Variants in INSYN2B observed in about 807,000 individuals in gnomAD.
INSYN2B encodes inhibitory synaptic factor family member 2B, also known as protein INSYN2B.
A neutral mutation model predicts 41.2 loss-of-function variants in INSYN2B; 16 were observed. That is an observed-to-expected ratio of 0.39 (90% confidence interval 0.26 to 0.59). The LOEUF (loss-of-function observed/expected upper bound fraction) is 0.59, where lower values mean the gene tolerates loss of function less well. Ranked by LOEUF, INSYN2B falls within the 20% of genes least tolerant of loss-of-function variation. The pLI is 0.57. For missense variants in INSYN2B, 608 were observed against 646.4 expected (o/e 0.94, Z 0.64); for synonymous variants, 245 against 244.4 (o/e 1.00, Z -0.02).
intron 1 of INSYN2B, among the ~76,000 whole-genome samples, chr5:169,900,841 G>T (rs1266587326): frequency 6.6e-6 from 1 of 152,088 alleles, no homozygotes. Flanking sequence ...GATATAGCCT[G>T]CCTGGAATTG....
intron 3 of INSYN2B, among the ~76,000 whole-genome samples, chr5:169,873,931 C>G (rs1481335979): frequency 6.6e-6 from 1 of 152,122 alleles, no homozygotes; most frequent in African/African-American, 2.4e-5. Context: ...GAGGCTTTGG[C>G]CTGCATTCCA....
intron 3 of INSYN2B, among the ~76,000 whole-genome samples, chr5:169,874,881 C>A (rs1282817376): frequency 7.0e-6 from 1 of 142,040 alleles, no homozygotes; most frequent in Non-Finnish European, 1.5e-5. Flanking sequence ...TTTCTCTTCT[C>A]ATTGGAAACA....
chr5:169,873,426 A>C (rs1453269455), intron 3 of INSYN2B, among the ~76,000 whole-genome samples: 1 of 152,242 alleles, frequency 6.6e-6, no homozygotes, highest in Non-Finnish European at 1.5e-5. Flanking sequence ...ACGGCCCAGC[A>C]TTTGAAATAG....
intron 1 of INSYN2B, among the ~76,000 whole-genome samples, chr5:169,961,645 A>G (rs1296640278): frequency 6.6e-6 from 1 of 152,142 alleles, no homozygotes; most frequent in African/African-American, 2.4e-5. Context: ...TAAAATTGTG[A>G]CAAGTGCTAA....
chr5:169,963,610 C>T (rs1036812312), intron 1 of INSYN2B, among the ~76,000 whole-genome samples: 6 of 152,178 alleles, frequency 3.9e-5, no homozygotes, highest in South Asian at 2.1e-4. Flanking sequence ...CTCCGGTGCA[C>T]ATCAAAGCAG....
At chr5:169,958,403 C>A (rs1347823976) in intron 1 of INSYN2B, among the ~76,000 whole-genome samples, 1 of 152,156 alleles carries the variant, frequency 6.6e-6, no homozygotes, top group Non-Finnish European at 1.5e-5. Context: ...AGAAAATCTG[C>A]AAACTCCATC....
chr5:169,929,139 C>G (rs1251747391), intron 1 of INSYN2B, among the ~76,000 whole-genome samples: 1 of 152,162 alleles, frequency 6.6e-6, no homozygotes, highest in Non-Finnish European at 1.5e-5. Context: ...ATGCAGGAAG[C>G]CCACGCACAT....
At chr5:169,890,557 C>T (rs1009582383) in intron 1 of INSYN2B, among the ~76,000 whole-genome samples, 1 of 152,126 alleles carries the variant, frequency 6.6e-6, no homozygotes, top group Non-Finnish European at 1.5e-5. Flanking sequence ...CGGCAGCTTT[C>T]TCAGTAAGGA....
chr5:169,864,250 G>A lies in INSYN2B; in HGVS notation c.*23C>T. On this transcript the variant is annotated 3_prime_UTR_variant, in exon 4 of 4. Coordinates refer to ENST00000377365, the MANE Select transcript of INSYN2B (RefSeq NM_001129891.3). ...TCAGGGAAGTGCGTGGAGTTGGGGG[G>A]CTGGGGGATGGTCCCAACCAGCTCA... The A allele has an allele frequency of 6.5e-7, 1 of 1,547,520 alleles. No individual in the cohort carries two copies. Among genetic ancestry groups the A allele is most frequent in the Non-Finnish European group, 8.7e-7 (1 of 1,143,402 alleles).
chr5:169,912,331 T>C (rs953824467), intron 1 of INSYN2B, among the ~76,000 whole-genome samples: 2 of 152,158 alleles, frequency 1.3e-5, no homozygotes, highest in African/African-American at 4.8e-5. Context: ...GTGTATTGGG[T>C]TCCTTGGTTG....
At position 169,964,612 on chromosome 5, in the gene INSYN2B, A is replaced by G. The variant is rs369589543; in HGVS notation, c.-919+15665T>C. Among the ~76,000 whole-genome samples, 15 of 152,324 alleles carry G rather than the reference A, an allele frequency of 9.8e-5. No homozygotes were observed. The South Asian group carries it at 3.1e-3, about 32-fold the overall frequency. ...AGAAAGGGCCACCCTTGAAGGGGCC[A>G]TGGTCAAAGTTGGTAAGCCAAAAGT... On this transcript the variant is annotated intron_variant, in intron 1 of 3. Coordinates refer to ENST00000377365, the MANE Select transcript of INSYN2B (RefSeq NM_001129891.3).
intron 1 of INSYN2B, among the ~76,000 whole-genome samples, chr5:169,887,319 A>G (rs1046092436): frequency 6.6e-6 from 1 of 152,216 alleles, no homozygotes; most frequent in Non-Finnish European, 1.5e-5. Context: ...TTATAAAGAT[A>G]TTATTTGTTC....
At chr5:169,906,875 A>G (rs1365754323) in intron 1 of INSYN2B, among the ~76,000 whole-genome samples, 3 of 152,324 alleles carry the variant, frequency 2.0e-5, no homozygotes, top group South Asian at 2.1e-4. Flanking sequence ...CCTGCTGGAA[A>G]TGTGCATGAG....
chr5:169,881,817 C>A (rs574918081), intron 2 of INSYN2B, among the ~76,000 whole-genome samples: 2 of 152,184 alleles, frequency 1.3e-5, no homozygotes, highest in South Asian at 4.1e-4. Flanking sequence ...ATTCATACAG[C>A]AAACAGCAGT....
rs370279680 is a variant in INSYN2B, at chr5:169,953,279, G to A, written c.-919+26998C>T. The stretch of plus-strand genomic sequence containing the variant: ...ACCCAGGAGGCGGAGGTTGCAGTAA[G>A]CCGAGATTACACCATTATACTCCAG... On this transcript the variant is annotated intron_variant, in intron 1 of 3. Transcript: ENST00000377365. Among the ~76,000 whole-genome samples, 12 of 150,380 alleles carry A rather than the reference G, an allele frequency of 8.0e-5. No homozygotes were observed. In the South Asian group the frequency reaches 1.5e-3, roughly 18 times the overall value.
chr5:169,911,344 CTCCTT>C (rs1774587397), intron 1 of INSYN2B, among the ~76,000 whole-genome samples: 1 of 152,104 alleles, frequency 6.6e-6, no homozygotes, highest in Non-Finnish European at 1.5e-5. Context: ...TTAGAGAACT[CTCCTT>C]CACTTCTCTT....
rs147537385 is a variant in INSYN2B, at chr5:169,958,276, A to G, written c.-919+22001T>C. Among the ~76,000 whole-genome samples the G allele has an allele frequency of 3.8e-4, 58 of 152,236 alleles. 1 individual carries two copies. In the East Asian group the frequency reaches 0.011, roughly 29 times the overall value. Reference sequence around the variant, plus strand: ...ATTTATACTTTACTGCACTGTTATTAATAAGAAGCTTATGAATCTATTAGA... The same window carrying G: ...ATTTATACTTTACTGCACTGTTATTGATAAGAAGCTTATGAATCTATTAGA... On this transcript the variant is annotated intron_variant, in intron 1 of 3. Coordinates refer to ENST00000377365, the MANE Select transcript of INSYN2B (RefSeq NM_001129891.3).
chr5:169,925,335 T>C (rs954088642), intron 1 of INSYN2B, among the ~76,000 whole-genome samples: 1 of 152,032 alleles, frequency 6.6e-6, no homozygotes. Context: ...GAGCATCGTC[T>C]TGTTGAGAGG....
At chr5:169,932,668 G>C (rs1051260773) in intron 1 of INSYN2B, among the ~76,000 whole-genome samples, 3 of 151,854 alleles carry the variant, frequency 2.0e-5, no homozygotes, top group African/African-American at 7.3e-5. Context: ...CATGTAAGGA[G>C]AAAACCCAAG....
Sources: allele counts gnomAD v4.1 joint callset (sites outside exome capture counted in the v4.1 genomes callset), GRCh38; gene constraint gnomAD v4.1.1; transcripts MANE v1.5; gene names NCBI Gene and HGNC (gene_info 2026-07-23, HGNC 2026-07-21).